LDAH: variants seen among roughly 807,000 people sequenced by gnomAD.
LDAH encodes lipid droplet associated hydrolase.
LDAH carries 26 observed loss-of-function variants against 29.6 expected under a neutral mutation model. The observed-to-expected ratio is 0.88, with a 90% confidence interval of 0.64 to 1.22. The LOEUF is 1.22. Among genes scored for constraint, LDAH ranks in the 50% most tolerant of loss-of-function variants. The probability of loss-of-function intolerance (pLI) is 0.00; values close to 1 mark genes in which losing one functional copy is unlikely to be tolerated. For missense variants in LDAH, 344 were observed against 387.3 expected, an observed-to-expected ratio of 0.89 and a Z score of 0.94; for synonymous variants, 117 against 133.0, an observed-to-expected ratio of 0.88 and a Z score of 0.83.
intron 1 of LDAH, among the ~76,000 whole-genome samples, chr2:20,822,422 C>A (rs1158779671): frequency 6.6e-6 from 1 of 152,210 alleles, no homozygotes; most frequent in African/African-American, 2.4e-5. Context: ...GGATTACAGG[C>A]GTGAGCCACG....
At chr2:20,770,216 G>C (rs1193359930) in intron 4 of LDAH, among the ~76,000 whole-genome samples, 1 of 152,148 alleles carries the variant, frequency 6.6e-6, no homozygotes, top group Non-Finnish European at 1.5e-5. Context: ...TGGTACTTAA[G>C]AGAGTGAGTT....
chr2:20,794,821 C>T (rs112125042), intron 2 of LDAH, among the ~76,000 whole-genome samples: 20 of 152,278 alleles, frequency 1.3e-4, no homozygotes, highest in African/African-American at 4.1e-4. Context: ...GGGTACATGG[C>T]ACTCACATAC....
At chr2:20,696,209 C>G (rs1383963536) in intron 6 of LDAH, among the ~76,000 whole-genome samples, 1 of 152,190 alleles carries the variant, frequency 6.6e-6, no homozygotes, top group Non-Finnish European at 1.5e-5. Flanking sequence ...CTGCAGCAGG[C>G]AGGACATGTG....
At chr2:20,702,583 T>C (rs537318991) in intron 5 of LDAH, among the ~76,000 whole-genome samples, 1 of 152,354 alleles carries the variant, frequency 6.6e-6, no homozygotes, top group Non-Finnish European at 1.5e-5. Context: ...GTGTGAATGA[T>C]GAATTTTCCT....
Position 20,752,797 on chromosome 2 carries a change from ATCCATTCC to A in LDAH, c.469-12600_469-12593del, listed in dbSNP as rs1668056773. ...CTGTGTCAAGAAGCTCTAGGGGAGAATCCATTCCTTGCTTCTTCCAGCTTCTGATGGTT... is the reference window on the plus strand; with the variant it reads ...CTGTGTCAAGAAGCTCTAGGGGAGAATTGCTTCTTCCAGCTTCTGATGGTT... On this transcript the variant is annotated intron_variant, in intron 4 of 6. Transcript: ENST00000237822. Among the ~76,000 whole-genome samples the A allele has an allele frequency of 7.9e-5, 12 of 152,344 alleles. No homozygotes were observed. In the South Asian group the frequency reaches 2.5e-3, roughly 32 times the overall value.
At chr2:20,711,688 C>T (rs1018919779) in intron 5 of LDAH, among the ~76,000 whole-genome samples, 1 of 152,152 alleles carries the variant, frequency 6.6e-6, no homozygotes, top group African/African-American at 2.4e-5. Context: ...TGCTCAAATA[C>T]TGCACTTTTC....
chr2:20,791,874 A>AT (rs1670980517), intron 2 of LDAH, among the ~76,000 whole-genome samples: 1 of 152,184 alleles, frequency 6.6e-6, no homozygotes, highest in Non-Finnish European at 1.5e-5. Flanking sequence ...TTGATTTGAA[A>AT]TATCTTCAGA....
chr2:20,710,585 G>GGGGTGT (rs1553336527), intron 5 of LDAH, among the ~76,000 whole-genome samples: 1 of 115,952 alleles, frequency 8.6e-6, no homozygotes, highest in African/African-American at 3.0e-5. Context: ...TATATATAGG[G>GGGGTGT]GTGTGTGTGT....
intron 3 of LDAH, chr2:20,789,282 G>A (rs772129325): frequency 2.0e-4 from 314 of 1,550,260 alleles, no homozygotes; most frequent in Middle Eastern, 5.0e-4. Context: ...TAGAGCCCGC[G>A]AGAGTCCCAA....
intron 4 of LDAH, among the ~76,000 whole-genome samples, chr2:20,765,384 T>A (rs1301189227): frequency 1.3e-5 from 2 of 152,218 alleles, no homozygotes; most frequent in Non-Finnish European, 2.9e-5. Context: ...CTTGTCCCAT[T>A]ATTTCACTAA....
intron 2 of LDAH, among the ~76,000 whole-genome samples, chr2:20,799,320 T>G (rs1177445442): frequency 2.0e-5 from 3 of 152,204 alleles, no homozygotes; most frequent in African/African-American, 7.2e-5. Flanking sequence ...CTGTTGGAAC[T>G]AGAAAAGCTG....
At chr2:20,773,625 A>G (rs1185247567) in intron 4 of LDAH, among the ~76,000 whole-genome samples, 3 of 152,204 alleles carry the variant, frequency 2.0e-5, no homozygotes, top group Non-Finnish European at 2.9e-5. Context: ...ACACTTAGAA[A>G]TGAAAAACAT....
In LDAH at chr2:20,685,469, T is replaced by C; in HGVS notation, c.*1434A>G. ...GCTAACAGCACTCCTTGTCTGGAGC[T>C]TGGCTTTTCCCCTCTGAGAAGTCAC... On this transcript the variant is annotated 3_prime_UTR_variant, in exon 7 of 7. Transcript: ENST00000237822. 1 of 1,514,008 alleles carries C rather than the reference T, an allele frequency of 6.6e-7. No individual in the cohort carries two copies. The highest frequency in any genetic ancestry group is 1.3e-5 in the South Asian group (1 of 78,068). The allele number at this position is 1,514,008 out of a possible 1,614,324, so 93.8% of individuals were successfully genotyped here.
intron 3 of LDAH, among the ~76,000 whole-genome samples, chr2:20,784,491 C>T (rs1334762744): frequency 6.6e-6 from 1 of 152,086 alleles, no homozygotes; most frequent in Non-Finnish European, 1.5e-5. Flanking sequence ...TATACTTGTT[C>T]TTTCTTTTTA....
chr2:20,706,977 C>T (rs953672994), intron 5 of LDAH, among the ~76,000 whole-genome samples: 5 of 152,174 alleles, frequency 3.3e-5, no homozygotes, highest in African/African-American at 4.8e-5. Context: ...CCTTGCTTGT[C>T]GGGGAGAGGC....
intron 5 of LDAH, among the ~76,000 whole-genome samples, chr2:20,736,068 A>G (rs553218502): frequency 1.3e-5 from 2 of 152,204 alleles, no homozygotes; most frequent in African/African-American, 2.4e-5. Context: ...GGTAAAGTCC[A>G]CTCAATCTTT....
intron 6 of LDAH, among the ~76,000 whole-genome samples, chr2:20,689,584 C>CA: frequency 6.6e-6 from 1 of 152,158 alleles, no homozygotes; most frequent in East Asian, 1.9e-4. Context: ...GAAATACTGT[C>CA]AAGAGTACAA....
At chr2:20,691,066 T>C (rs879127587) in intron 6 of LDAH, among the ~76,000 whole-genome samples, 2 of 152,152 alleles carry the variant, frequency 1.3e-5, no homozygotes, top group Admixed American at 6.6e-5. Flanking sequence ...TTCCAGTAAA[T>C]AGACCCGTTA....
At chr2:20,766,222 T>C (rs1347648311) in intron 4 of LDAH, among the ~76,000 whole-genome samples, 1 of 152,172 alleles carries the variant, frequency 6.6e-6, no homozygotes, top group East Asian at 1.9e-4. Flanking sequence ...TTTACTTGAT[T>C]TTATTATACA....
Sources: allele counts gnomAD v4.1 joint callset (sites outside exome capture counted in the v4.1 genomes callset), GRCh38; gene constraint gnomAD v4.1.1; transcripts MANE v1.5; gene names NCBI Gene and HGNC (gene_info 2026-07-23, HGNC 2026-07-21).